The following FGGY variants were observed in gnomAD, a reference collection of about 807,000 sequenced individuals.
FGGY encodes the protein FGGY carbohydrate kinase domain containing, also known as FGGY carbohydrate kinase domain-containing protein.
FGGY carries 72 observed loss-of-function variants against 71.3 expected under a neutral mutation model. The ratio of observed to expected loss-of-function variants is 1.01; its 90% CI spans 0.84 to 1.23. The LOEUF (loss-of-function observed/expected upper bound fraction) is 1.23. Ranked by LOEUF, FGGY falls within the 50% of genes most tolerant of loss-of-function variation. FGGY has a pLI of 0.00. For synonymous variants in FGGY, 251 were observed against 250.3 expected, an observed-to-expected ratio of 1.00 and a Z score of -0.02; for missense variants, 668 against 682.3, an observed-to-expected ratio of 0.98 and a Z score of 0.23.
In FGGY at chr1:59,527,977, C is replaced by T. The variant is rs550393667; in HGVS notation, c.799+15538C>T. The stretch of plus-strand genomic sequence containing the variant: ...GGCATTCATGGAGCTAGTTAAAATG[C>T]GGATGGCTGGGTCCCCACCACCACA... On this transcript the variant is annotated intron_variant, in intron 7 of 15. Transcript: ENST00000303721. Among the ~76,000 whole-genome samples the T allele has an allele frequency of 2.3e-4, 35 of 152,224 alleles. 1 individual carries two copies. The highest frequency in any genetic ancestry group is 7.5e-4 in the African/African-American group (31 of 41,536).
At chr1:59,659,756 G>T (rs1161183978) in intron 11 of FGGY, among the ~76,000 whole-genome samples, 1 of 152,122 alleles carries the variant, frequency 6.6e-6, no homozygotes, top group Non-Finnish European at 1.5e-5. Context: ...TATAATATTT[G>T]TAGGAGACAT....
At chr1:59,692,778 G>T (rs895446325) in intron 14 of FGGY, among the ~76,000 whole-genome samples, 2 of 152,190 alleles carry the variant, frequency 1.3e-5, no homozygotes, top group African/African-American at 4.8e-5. Flanking sequence ...ATTGATGGCA[G>T]ATGTTGAGCC....
At chr1:59,744,939 G>A (rs1445295649) in intron 14 of FGGY, among the ~76,000 whole-genome samples, 1 of 152,164 alleles carries the variant, frequency 6.6e-6, no homozygotes, top group African/African-American at 2.4e-5. Context: ...ACATGGAAGA[G>A]ATTATAAACA....
At chr1:59,535,346 C>T (rs939159253) in intron 7 of FGGY, among the ~76,000 whole-genome samples, 43 of 152,224 alleles carry the variant, frequency 2.8e-4, no homozygotes, top group Non-Finnish European at 1.2e-4. Context: ...TCCTGAGTGA[C>T]CTACAAAGAG....
At chr1:59,727,149 T>C (rs543249500) in intron 14 of FGGY, among the ~76,000 whole-genome samples, 1 of 152,348 alleles carries the variant, frequency 6.6e-6, no homozygotes, top group Admixed American at 6.5e-5. Context: ...GGTATTTGGT[T>C]TTCTGTTCCT....
chr1:59,303,473 G>A (rs535112518), intron 1 of FGGY, among the ~76,000 whole-genome samples: 58 of 152,224 alleles, frequency 3.8e-4, no homozygotes, highest in African/African-American at 1.3e-3. Context: ...GTGTATATAT[G>A]TATGACATTT....
At chr1:59,684,666 A>G (rs1481262905) in intron 14 of FGGY, among the ~76,000 whole-genome samples, 1 of 152,214 alleles carries the variant, frequency 6.6e-6, no homozygotes, top group Non-Finnish European at 1.5e-5. Context: ...AGAAAGAGTA[A>G]GTGAGCTGAG....
intron 5 of FGGY, among the ~76,000 whole-genome samples, chr1:59,451,503 T>A (rs1487509054): frequency 6.6e-6 from 1 of 151,988 alleles, no homozygotes; most frequent in Non-Finnish European, 1.5e-5. Context: ...TTTATGCATA[T>A]ATGTATATGT....
chr1:59,660,950 A>G (rs2153958948), intron 12 of FGGY, among the ~76,000 whole-genome samples: 1 of 152,362 alleles, frequency 6.6e-6, no homozygotes, highest in East Asian at 1.9e-4. Context: ...GTGTGTGTGC[A>G]TATATTACAA....
At chr1:59,378,363 G>C (rs1053272595) in intron 4 of FGGY, among the ~76,000 whole-genome samples, 23 of 151,336 alleles carry the variant, frequency 1.5e-4, no homozygotes, top group African/African-American at 5.3e-4. Context: ...ATTTCTCTCT[G>C]TGGTCTGCTG....
intron 5 of FGGY, among the ~76,000 whole-genome samples, chr1:59,430,622 C>T (rs571715675): frequency 6.6e-6 from 1 of 152,094 alleles, no homozygotes; most frequent in African/African-American, 2.4e-5. Flanking sequence ...CCTCTATTCC[C>T]TAGTATGTAG....
intron 4 of FGGY, among the ~76,000 whole-genome samples, chr1:59,349,398 G>C (rs1185452944): frequency 6.6e-6 from 1 of 152,126 alleles, no homozygotes; most frequent in Non-Finnish European, 1.5e-5. Context: ...TTGGGCGGAG[G>C]GTCATTGGTT....
chr1:59,381,628 CGTGTGTGTGT>C (rs113981398), intron 5 of FGGY, among the ~76,000 whole-genome samples: 4,043 of 143,276 alleles, frequency 0.028, 112 homozygotes, highest in African/African-American at 0.078. Context: ...ATGTATAACT[CGTGTGTGTGT>C]GTGTGTGTGT....
chr1:59,709,466 T>TCACACACACACACACACACA, intron 14 of FGGY, among the ~76,000 whole-genome samples: 1 of 142,772 alleles, frequency 7.0e-6, no homozygotes, highest in African/African-American at 2.6e-5. Context: ...TGAAACTATA[T>TCACACACACACACACACACA]CACACACACA....
At chr1:59,379,315 A>G (rs982734296) in intron 5 of FGGY, among the ~76,000 whole-genome samples, 4 of 152,126 alleles carry the variant, frequency 2.6e-5, no homozygotes, top group Non-Finnish European at 5.9e-5. Context: ...TCTACTACAT[A>G]CCTAGGCTGT....
chr1:59,507,807 T>C (rs990165373), intron 6 of FGGY, among the ~76,000 whole-genome samples: 8 of 151,510 alleles, frequency 5.3e-5, no homozygotes, highest in Non-Finnish European at 7.4e-5. Context: ...GTGCTGGGGA[T>C]TACAGGCATG....
intron 8 of FGGY, among the ~76,000 whole-genome samples, chr1:59,560,698 T>A (rs961918114): frequency 6.6e-6 from 1 of 152,194 alleles, no homozygotes; most frequent in Non-Finnish European, 1.5e-5. Flanking sequence ...ATGCCTGCCT[T>A]CAAAGAGCTC....
intron 8 of FGGY, among the ~76,000 whole-genome samples, chr1:59,605,071 TCA>T (rs567758376): frequency 9.1e-4 from 138 of 152,214 alleles, no homozygotes; most frequent in African/African-American, 3.2e-3. Context: ...CACACAACAC[TCA>T]CACTCACCCA....
At chr1:59,555,754 C>T (rs796479109) in intron 8 of FGGY, among the ~76,000 whole-genome samples, 54 of 152,268 alleles carry the variant, frequency 3.5e-4, no homozygotes, top group African/African-American at 1.2e-3. Flanking sequence ...AATCCCAGCA[C>T]TTTGGGAGGC....
Sources: gnomAD v4.1 joint callset for allele counts (sites outside exome capture counted in the v4.1 genomes callset) on GRCh38, gnomAD v4.1.1 for gene constraint, MANE v1.5 for transcripts, NCBI Gene and HGNC (gene_info 2026-07-23, HGNC 2026-07-21) for gene names.